FOXN3: variants seen among roughly 807,000 people sequenced by gnomAD.
FOXN3 encodes the protein forkhead box protein N3.
In FOXN3, 7 loss-of-function variants were observed where a neutral mutation model predicts 38.4. The observed-to-expected ratio is 0.18, with a 90% CI of 0.10 to 0.34. The LOEUF is 0.34. FOXN3 is among the 10% of genes least tolerant of loss of function. FOXN3 has a pLI of 1.00. For missense variants in FOXN3, 456 were observed against 613.4 expected, an observed-to-expected ratio of 0.74 and a Z score of 2.71; for synonymous variants, 230 against 242.2, an observed-to-expected ratio of 0.95 and a Z score of 0.47.
chr14:89,607,348 C>T (rs1367458942), intron 1 of FOXN3, among the ~76,000 whole-genome samples: 11 of 152,066 alleles, frequency 7.2e-5, no homozygotes, highest in African/African-American at 2.4e-4. Context: ...CACTTGAGGT[C>T]AGGAGTTTGA....
intron 5 of FOXN3, among the ~76,000 whole-genome samples, 195 bp downstream of exon 5, chr14:89,180,506 T>C (rs1350098030): frequency 2.6e-5 from 4 of 152,228 alleles, no homozygotes; most frequent in Non-Finnish European, 5.9e-5. Context: ...GATCATCTGG[T>C]GGCCCGAGAA....
intron 1 of FOXN3, among the ~76,000 whole-genome samples, chr14:89,517,256 G>A (rs412826): frequency 0.55 from 83,249 of 151,530 alleles, 23,319 homozygotes; most frequent in Admixed American, 0.59. Flanking sequence ...CCAGGTACTC[G>A]GGAGGCTGAG....
rs1237809125 is a variant in FOXN3 at position 89,360,740 on chromosome 14, C to CACTACCTCCACCACCACCACCACCACT, written c.544-9933_544-9932insAGTGGTGGTGGTGGTGGTGGAGGTAGT. Reference sequence around the variant, plus strand: ...CTACCTCCACCACCACCACCTCCAGCACCACCTCCACCACCACCTCCACCA... The same window carrying CACTACCTCCACCACCACCACCACCACT: ...CTACCTCCACCACCACCACCTCCAGCACTACCTCCACCACCACCACCACCACTACCACCTCCACCACCACCTCCACCA... On this transcript the variant is annotated intron_variant, in intron 2 of 5. Transcript: ENST00000557258. Among the ~76,000 whole-genome samples the CACTACCTCCACCACCACCACCACCACT allele has an allele frequency of 6.7e-5, 8 of 119,564 alleles. 1 individual carries two copies. In the East Asian group the frequency reaches 8.6e-4, roughly 13 times the overall value. 78.4% of individuals were successfully genotyped at this position (119,564 alleles called of 152,430 possible).
At chr14:89,440,572 C>T (rs1892361157) in intron 1 of FOXN3, among the ~76,000 whole-genome samples, 1 of 152,164 alleles carries the variant, frequency 6.6e-6, no homozygotes, top group South Asian at 2.1e-4. Flanking sequence ...TTTCCTGGCT[C>T]AAAAAGCACC....
intron 1 of FOXN3, among the ~76,000 whole-genome samples, chr14:89,424,386 G>A (rs777644755): frequency 6.6e-6 from 1 of 152,174 alleles, no homozygotes; most frequent in Non-Finnish European, 1.5e-5. Flanking sequence ...GGGACAAAAC[G>A]ATCCCCTTCT....
intron 1 of FOXN3, among the ~76,000 whole-genome samples, chr14:89,571,221 T>C (rs189025031): frequency 6.6e-6 from 1 of 152,194 alleles, no homozygotes; most frequent in Admixed American, 6.5e-5. Context: ...TGAAAGGTGA[T>C]AGACTGGCCT....
At chr14:89,237,034 C>G (rs912607145) in intron 4 of FOXN3, among the ~76,000 whole-genome samples, 9 of 152,178 alleles carry the variant, frequency 5.9e-5, no homozygotes, top group Non-Finnish European at 1.5e-5. Context: ...AAGTTTCAGG[C>G]CCCCCTCTGA....
chr14:89,416,442 G>A (rs1891727514), intron 1 of FOXN3, among the ~76,000 whole-genome samples: 1 of 152,142 alleles, frequency 6.6e-6, no homozygotes, highest in Non-Finnish European at 1.5e-5. Flanking sequence ...AGGGGGGTCG[G>A]GCCTCGGGGG....
chr14:89,409,606 C>T (rs898007233), intron 2 of FOXN3: 6 of 152,308 alleles, frequency 3.9e-5, no homozygotes, highest in African/African-American at 1.2e-4. Context: ...AACTAAACGC[C>T]CTGTTTGTTG....
chr14:89,289,194 A>AG (rs1368751370), intron 3 of FOXN3, among the ~76,000 whole-genome samples: 3 of 26,058 alleles, frequency 1.2e-4, no homozygotes, highest in East Asian at 4.6e-3. Context: ...AAAAAAAAAA[A>AG]AAAGAAAAGA....
intron 1 of FOXN3, among the ~76,000 whole-genome samples, chr14:89,457,195 G>C (rs534426229): frequency 6.6e-6 from 1 of 152,312 alleles, no homozygotes; most frequent in East Asian, 1.9e-4. Context: ...AGCAGCTTTA[G>C]TCAGGATATT....
intron 1 of FOXN3, among the ~76,000 whole-genome samples, chr14:89,615,679 TAC>T: frequency 6.6e-6 from 1 of 152,348 alleles, no homozygotes; most frequent in South Asian, 2.1e-4. Flanking sequence ...GAAAGCTCCC[TAC>T]AGGAAATCCT....
intron 2 of FOXN3, among the ~76,000 whole-genome samples, chr14:89,392,807 A>ATTT (rs35499441): frequency 1.1e-4 from 15 of 133,886 alleles, no homozygotes; most frequent in African/African-American, 2.5e-4. Flanking sequence ...CGCCCAGCTA[A>ATTT]TTTTTTTTTT....
intron 1 of FOXN3, among the ~76,000 whole-genome samples, chr14:89,502,724 G>A (rs1893828622): frequency 6.6e-6 from 1 of 152,134 alleles, no homozygotes; most frequent in Admixed American, 6.5e-5. Flanking sequence ...AAGTGTCGGG[G>A]GGAAAGAAGG....
At chr14:89,473,117 C>T (rs1468538344) in intron 1 of FOXN3, among the ~76,000 whole-genome samples, 1 of 150,992 alleles carries the variant, frequency 6.6e-6, no homozygotes, top group Non-Finnish European at 1.5e-5. Context: ...CTCCATCTCC[C>T]GAGTTCACGC....
At chr14:89,328,326 G>C (rs1182543785) in intron 3 of FOXN3, among the ~76,000 whole-genome samples, 3 of 152,178 alleles carry the variant, frequency 2.0e-5, no homozygotes, top group African/African-American at 7.2e-5. Context: ...AATGGGCAAA[G>C]AGACATTCCC....
intron 3 of FOXN3, among the ~76,000 whole-genome samples, chr14:89,332,891 C>T (rs956257362): frequency 2.0e-5 from 3 of 152,142 alleles, no homozygotes; most frequent in Non-Finnish European, 2.9e-5. Flanking sequence ...ACAAATCCCA[C>T]AAATAACCCA....
At chr14:89,431,273 T>C (rs1892150780) in intron 1 of FOXN3, among the ~76,000 whole-genome samples, 1 of 152,190 alleles carries the variant, frequency 6.6e-6, no homozygotes, top group African/African-American at 2.4e-5. Context: ...TGATTTCAGC[T>C]CACTGCAACT....
At chr14:89,506,700 A>G (rs957136973) in intron 1 of FOXN3, among the ~76,000 whole-genome samples, 5 of 152,230 alleles carry the variant, frequency 3.3e-5, no homozygotes, top group African/African-American at 9.6e-5. Context: ...AAAGGTGGGG[A>G]AAAGATTGAG....
Sources: allele counts gnomAD v4.1 joint callset (sites outside exome capture counted in the v4.1 genomes callset), GRCh38; gene constraint gnomAD v4.1.1; transcripts MANE v1.5; gene names NCBI Gene and HGNC (gene_info 2026-07-23, HGNC 2026-07-21).